CHRM3: variants seen among roughly 807,000 people sequenced by gnomAD.
CHRM3 encodes cholinergic receptor muscarinic 3.
CHRM3 carries 11 observed loss-of-function variants against 41.8 expected under a neutral mutation model. That is an observed-to-expected ratio of 0.26 (90% CI 0.17 to 0.44). The LOEUF is 0.44. Among genes scored for constraint, CHRM3 ranks in the 20% least tolerant of loss-of-function variants. CHRM3 has a pLI of 1.00. For missense variants in CHRM3, 571 were observed against 745.4 expected, an observed-to-expected ratio of 0.77 and a Z score of 2.72; for synonymous variants, 297 against 301.4, an observed-to-expected ratio of 0.99 and a Z score of 0.15.
intron 4 of CHRM3, among the ~76,000 whole-genome samples, chr1:239,663,188 A>C (rs1253868539): frequency 1.3e-5 from 2 of 151,522 alleles, no homozygotes; most frequent in Non-Finnish European, 2.9e-5. Context: ...GCTGCTCTCC[A>C]CTCTCACCTG....
chr1:239,535,557 GC>G (rs1221092625), intron 2 of CHRM3, among the ~76,000 whole-genome samples: 1 of 150,472 alleles, frequency 6.6e-6, no homozygotes. Flanking sequence ...TGTGGGTTCT[GC>G]CCTATGAAAA....
chr1:239,414,967 A>T (rs1488325922), intron 1 of CHRM3, among the ~76,000 whole-genome samples: 2 of 152,226 alleles, frequency 1.3e-5, no homozygotes, highest in Non-Finnish European at 2.9e-5. Flanking sequence ...AGTTTCATAG[A>T]TGAGTATAAT....
chr1:239,523,666 G>A lies in CHRM3; in HGVS notation c.-421-21975G>A, dbSNP rs1669801268. On this transcript the variant is annotated intron_variant, in intron 2 of 6. Transcript: ENST00000676153. ...ATTTTCATTTTCACAACAGAACCAG[G>A]AACAAAAAGTGTACCCTAGGGGCAT... Among the ~76,000 whole-genome samples, 4 of 152,034 alleles carry A rather than the reference G, an allele frequency of 2.6e-5. No homozygotes were observed. In the South Asian group the frequency reaches 8.3e-4, roughly 32 times the overall value.
At chr1:239,729,900 A>G (rs1010003037) in intron 5 of CHRM3, among the ~76,000 whole-genome samples, 3 of 151,968 alleles carry the variant, frequency 2.0e-5, no homozygotes, top group African/African-American at 7.2e-5. Flanking sequence ...TTTTAAAGTA[A>G]AATATCCACA....
intron 3 of CHRM3, among the ~76,000 whole-genome samples, chr1:239,600,767 CCTTT>C (rs1018778125): frequency 2.0e-5 from 3 of 150,420 alleles, no homozygotes; most frequent in African/African-American, 4.9e-5. Context: ...TTCCTTCCTT[CCTTT>C]TTCTTCTTTT....
chr1:239,704,202 A>G (rs2148130209), intron 5 of CHRM3: 1 of 152,370 alleles, frequency 6.6e-6, no homozygotes, highest in South Asian at 2.1e-4. Flanking sequence ...CAAAAAGAGC[A>G]GAAAGATCTG....
chr1:239,805,538 A>G (rs1173690724), intron 5 of CHRM3, among the ~76,000 whole-genome samples: 1 of 152,206 alleles, frequency 6.6e-6, no homozygotes, highest in Non-Finnish European at 1.5e-5. Flanking sequence ...AAACAAAGTG[A>G]GAAGAACTGC....
chr1:239,618,147 G>A (rs540031851), intron 3 of CHRM3, among the ~76,000 whole-genome samples: 27 of 151,790 alleles, frequency 1.8e-4, no homozygotes, highest in Admixed American at 1.6e-3. Flanking sequence ...TATTTTCCCT[G>A]GTCTTAATGT....
chr1:239,715,721 A>G (rs1189267585), intron 5 of CHRM3, among the ~76,000 whole-genome samples: 1 of 152,100 alleles, frequency 6.6e-6, no homozygotes, highest in African/African-American at 2.4e-5. Context: ...TCTTCTAATG[A>G]GTTGGGTGGC....
At chr1:239,436,971 C>T (rs1348385736) in intron 1 of CHRM3, among the ~76,000 whole-genome samples, 1 of 152,100 alleles carries the variant, frequency 6.6e-6, no homozygotes, top group Non-Finnish European at 1.5e-5. Flanking sequence ...TCCAGGCCAA[C>T]ACATGAATGG....
At chr1:239,878,352 G>A (rs535315548) in intron 6 of CHRM3, among the ~76,000 whole-genome samples, 37 of 152,194 alleles carry the variant, frequency 2.4e-4, no homozygotes, top group African/African-American at 8.4e-4. Context: ...CGCAAATGCA[G>A]TTCACAATAG....
chr1:239,633,256 C>A (rs1032933383), intron 4 of CHRM3, among the ~76,000 whole-genome samples: 1 of 152,186 alleles, frequency 6.6e-6, no homozygotes, highest in Non-Finnish European at 1.5e-5. Context: ...CAGGCGTGAG[C>A]CACCGCACCC....
chr1:239,515,848 T>A (rs1333599992), intron 2 of CHRM3, among the ~76,000 whole-genome samples: 1 of 152,226 alleles, frequency 6.6e-6, no homozygotes, highest in Non-Finnish European at 1.5e-5. Context: ...AAATGTACTA[T>A]ATTTTATGTT....
At chr1:239,408,479 G>A (rs976262680) in intron 1 of CHRM3, among the ~76,000 whole-genome samples, 2 of 144,224 alleles carry the variant, frequency 1.4e-5, no homozygotes, top group African/African-American at 5.3e-5. Flanking sequence ...AGCCAAGATG[G>A]CGCCACTGCA....
intron 2 of CHRM3, among the ~76,000 whole-genome samples, chr1:239,524,971 A>C (rs1669897554): frequency 6.6e-6 from 1 of 152,238 alleles, no homozygotes; most frequent in Non-Finnish European, 1.5e-5. Flanking sequence ...GAATAAATTC[A>C]AGCATTCCAA....
Position 239,404,398 on chromosome 1 carries a change from AAGAAAGAAAGAAAAAGAAAGAAAG to A in CHRM3, c.-521+17173_-521+17196del, listed in dbSNP as rs1558195447. On this transcript the variant is annotated intron_variant, in intron 1 of 6. Coordinates refer to ENST00000676153, the MANE Select transcript of CHRM3 (RefSeq NM_001375978.1). ...AAAGAAAGAAAGAAAGAAAGAAAGAAAGAAAGAAAGAAAAAGAAAGAAAGAAAGAAAGAAAGAAAGAAAGAAAGA... is the reference window on the plus strand; with the variant it reads ...AAAGAAAGAAAGAAAGAAAGAAAGAAAAAGAAAGAAAGAAAGAAAGAAAGA... 2.1e-3 allele frequency among the ~76,000 whole-genome samples: 146 copies of A among 69,228 alleles called. 1 individual carries two copies. Among genetic ancestry groups the A allele is most frequent in the African/African-American group, 2.2e-3 (36 of 16,314 alleles). 45.4% of individuals were successfully genotyped at this position (69,228 alleles called of 152,430 possible). A position where few individuals can be genotyped will look rare whatever the true frequency, so the allele number is the denominator to read the frequency against.
intron 5 of CHRM3, among the ~76,000 whole-genome samples, chr1:239,689,749 A>C (rs995263704): frequency 1.3e-5 from 2 of 152,188 alleles, no homozygotes; most frequent in Admixed American, 6.6e-5. Flanking sequence ...GCCTTTGTGG[A>C]GGTTATATTC....
intron 6 of CHRM3, among the ~76,000 whole-genome samples, chr1:239,877,893 T>TG (rs1677245010): frequency 1.3e-5 from 2 of 149,538 alleles, no homozygotes; most frequent in East Asian, 3.9e-4. Context: ...TTTCTTTCTT[T>TG]TTTTTTTTTT....
intron 2 of CHRM3, among the ~76,000 whole-genome samples, chr1:239,511,892 T>G (rs1051733479): frequency 6.6e-6 from 1 of 152,216 alleles, no homozygotes; most frequent in Non-Finnish European, 1.5e-5. Context: ...GAATGAGCAC[T>G]TTGAATTTTA....
Sources: gnomAD v4.1 joint callset for allele counts (sites outside exome capture counted in the v4.1 genomes callset) on GRCh38, gnomAD v4.1.1 for gene constraint, MANE v1.5 for transcripts, NCBI Gene and HGNC (gene_info 2026-07-23, HGNC 2026-07-21) for gene names.